Variants in GLIS3 observed in about 807,000 individuals in gnomAD.
The protein encoded by GLIS3 is zinc finger protein GLIS3.
In GLIS3, 53 loss-of-function variants were observed where a neutral mutation model predicts 78.6. The observed-to-expected ratio is 0.67, with a 90% CI of 0.54 to 0.85. The LOEUF (loss-of-function observed/expected upper bound fraction) is 0.85. Among genes scored for constraint, GLIS3 ranks in the 40% least tolerant of loss-of-function variants. The pLI is 0.00. For synonymous variants in GLIS3, 684 were observed against 509.9 expected (o/e 1.34, Z -4.60); for missense variants, 1,703 against 1,231.1 (o/e 1.38, Z -5.74).
At position 4,006,319 on chromosome 9, in the gene GLIS3, A is replaced by C. The variant is rs1426279143; in HGVS notation, c.1711-69130T>G. The stretch of plus-strand genomic sequence containing the variant: ...TCATATGTCTCAAAAAAAAAAAAAA[A>C]AAAAAAAAAACTAGAGTATTTCTAA... On this transcript the variant is annotated intron_variant, in intron 4 of 10. Transcript: ENST00000381971. 4.0e-5 allele frequency among the ~76,000 whole-genome samples: 6 copies of C among 151,638 alleles called. No homozygotes were observed. In the East Asian group the frequency reaches 1.2e-3, roughly 29 times the overall value.
intron 2 of GLIS3, among the ~76,000 whole-genome samples, chr9:4,215,671 G>C (rs1351181943): frequency 6.6e-6 from 1 of 152,138 alleles, no homozygotes; most frequent in Non-Finnish European, 1.5e-5. Flanking sequence ...CCCATCATCA[G>C]CTTCCATTTC....
chr9:4,113,953 T>C (rs966769040), intron 4 of GLIS3, among the ~76,000 whole-genome samples: 1 of 152,192 alleles, frequency 6.6e-6, no homozygotes, highest in Non-Finnish European at 1.5e-5. Flanking sequence ...GTAAAAGTTT[T>C]GAACAATTCC....
At chr9:3,853,978 T>C (rs908452349) in intron 9 of GLIS3, among the ~76,000 whole-genome samples, 3 of 152,212 alleles carry the variant, frequency 2.0e-5, no homozygotes, top group Non-Finnish European at 4.4e-5. Flanking sequence ...CTGCCAATTA[T>C]ATGATGCCAC....
At chr9:4,151,678 G>T (rs943470580) in intron 2 of GLIS3, among the ~76,000 whole-genome samples, 1 of 152,088 alleles carries the variant, frequency 6.6e-6, no homozygotes, top group African/African-American at 2.4e-5. Flanking sequence ...CTTCATCTTT[G>T]TTCTAAGGAA....
intron 2 of GLIS3, among the ~76,000 whole-genome samples, chr9:4,159,581 T>C (rs1419358643): frequency 1.3e-5 from 2 of 152,082 alleles, no homozygotes; most frequent in East Asian, 1.9e-4. Flanking sequence ...TAACTGGGCA[T>C]GGTGGCACAT....
At chr9:4,341,812 T>C (rs1325281115) in intron 2 of GLIS3, among the ~76,000 whole-genome samples, 1 of 152,232 alleles carries the variant, frequency 6.6e-6, no homozygotes, top group Admixed American at 6.5e-5. Flanking sequence ...CGCTTTTTTT[T>C]CTGTCATCAC....
At chr9:3,965,193 C>CTTTTTTTTTTTTTTTTTT (rs34951383) in intron 4 of GLIS3, among the ~76,000 whole-genome samples, 2 of 100,154 alleles carry the variant, frequency 2.0e-5, no homozygotes, top group Admixed American at 1.3e-4. Context: ...CTTTTCTTTT[C>CTTTTTTTTTTTTTTTTTT]TTTTTTTTTT....
the GLIS3 span, among the ~76,000 whole-genome samples, chr9:4,452,619 G>A: frequency 6.6e-6 from 1 of 152,326 alleles, no homozygotes; most frequent in East Asian, 1.9e-4. Flanking sequence ...CAAGGGATGT[G>A]AAGGAACTCT....
intron 2 of GLIS3, among the ~76,000 whole-genome samples, chr9:4,224,014 C>A (rs1018705502): frequency 7.3e-5 from 11 of 151,162 alleles, no homozygotes; most frequent in South Asian, 4.2e-4. Context: ...AAAAAAAAAA[C>A]CCCACCAGAG....
the GLIS3 span, among the ~76,000 whole-genome samples, chr9:4,354,045 C>A: frequency 6.6e-6 from 1 of 150,440 alleles, no homozygotes; most frequent in Admixed American, 6.6e-5. Context: ...ACCGTGTTAG[C>A]CAGGATGGTC....
At chr9:4,318,294 C>G (rs566399389) in intron 2 of GLIS3, among the ~76,000 whole-genome samples, 1 of 152,292 alleles carries the variant, frequency 6.6e-6, no homozygotes, top group East Asian at 1.9e-4. Context: ...TCTCCCAGTT[C>G]TGTTCACTGA....
At chr9:4,000,542 T>C (rs1426528952) in intron 4 of GLIS3, among the ~76,000 whole-genome samples, 4 of 151,854 alleles carry the variant, frequency 2.6e-5, no homozygotes, top group African/African-American at 9.7e-5. Flanking sequence ...AATACATTTA[T>C]CTACCAGAGG....
chr9:4,043,622 A>G (rs1474146104), intron 4 of GLIS3, among the ~76,000 whole-genome samples: 1 of 152,118 alleles, frequency 6.6e-6, no homozygotes, highest in Non-Finnish European at 1.5e-5. Context: ...TGAGCACACT[A>G]TTCTACTGCT....
chr9:4,094,940 A>AAT (rs1829821626), intron 4 of GLIS3, among the ~76,000 whole-genome samples: 1 of 152,190 alleles, frequency 6.6e-6, no homozygotes, highest in Non-Finnish European at 1.5e-5. Flanking sequence ...TGGAGCACAT[A>AAT]GTGATGTTTC....
chr9:4,424,413 A>G, the GLIS3 span, among the ~76,000 whole-genome samples: 1 of 152,192 alleles, frequency 6.6e-6, no homozygotes, highest in Non-Finnish European at 1.5e-5. Context: ...TAGGCCTGTA[A>G]GTACCAGGCA....
At chr9:4,391,550 G>GGGGT in the GLIS3 span, among the ~76,000 whole-genome samples, 166 of 146,184 alleles carry the variant, frequency 1.1e-3, no homozygotes, top group African/African-American at 3.9e-3. Flanking sequence ...TTCTAAGAGG[G>GGGGT]GTGTGTGTGT....
At chr9:4,131,159 A>G (rs1832946814) in intron 2 of GLIS3, among the ~76,000 whole-genome samples, 1 of 152,134 alleles carries the variant, frequency 6.6e-6, no homozygotes, top group Non-Finnish European at 1.5e-5. Context: ...CTGTACCTCC[A>G]TTGTATCTTA....
chr9:4,036,130 C>A (rs1017617983), intron 4 of GLIS3: 4 of 152,138 alleles, frequency 2.6e-5, no homozygotes, highest in African/African-American at 7.2e-5. Flanking sequence ...TGAAAAAAGC[C>A]CCAAGTGAGG....
rs10046814 is a variant in GLIS3, at chr9:4,154,481, C to T, written c.389-28540G>A. 4.7e-4 allele frequency among the ~76,000 whole-genome samples: 72 copies of T among 152,242 alleles called. 1 individual carries two copies. The highest frequency in any genetic ancestry group is 1.7e-3 in the African/African-American group (70 of 41,542). ...AGAAGGCAAAGATAAACAGATATAACTACAAAAATATTTTAGCTCAAAAAG... is the reference window on the plus strand; with the variant it reads ...AGAAGGCAAAGATAAACAGATATAATTACAAAAATATTTTAGCTCAAAAAG... On this transcript the variant is annotated intron_variant, in intron 2 of 10. Transcript: ENST00000381971.
Sources: gnomAD v4.1 joint callset for allele counts (sites outside exome capture counted in the v4.1 genomes callset) on GRCh38, gnomAD v4.1.1 for gene constraint, MANE v1.5 for transcripts, NCBI Gene and HGNC (gene_info 2026-07-23, HGNC 2026-07-21) for gene names.